ARF4: variants seen among roughly 807,000 people sequenced by gnomAD.
The protein encoded by ARF4 is ARF GTPase 4, also known as ADP-ribosylation factor 4.
ARF4 carries 5 observed loss-of-function variants against 24.3 expected under a neutral mutation model. The observed-to-expected ratio is 0.21, with a 90% CI of 0.11 to 0.43. The LOEUF is 0.43. ARF4 is among the 20% of genes least tolerant of loss of function. ARF4 has a pLI of 1.00. For synonymous variants in ARF4, 62 were observed against 73.5 expected (o/e 0.84, Z 0.80); for missense variants, 107 against 213.0 (o/e 0.50, Z 3.10).
intron 5 of ARF4, among the ~76,000 whole-genome samples, chr3:57,573,185 G>A (rs371834720): frequency 1.4e-5 from 2 of 144,366 alleles, no homozygotes; most frequent in East Asian, 2.1e-4. Context: ...CTGGGTGACA[G>A]AGCAAGACTC....
At chr3:57,596,098 A>G (rs552048857) in intron 1 of ARF4, among the ~76,000 whole-genome samples, 1 of 152,212 alleles carries the variant, frequency 6.6e-6, no homozygotes, top group Non-Finnish European at 1.5e-5. Context: ...GACTGCTTAC[A>G]GTAACCGGGA....
At chr3:57,593,867 T>C (rs1179940774) in intron 1 of ARF4, among the ~76,000 whole-genome samples, 1 of 151,990 alleles carries the variant, frequency 6.6e-6, no homozygotes, top group Non-Finnish European at 1.5e-5. Flanking sequence ...CTACAAAAAA[T>C]GTCAAAAATT....
intron 2 of ARF4, 35 bp from the exon 3 acceptor site, chr3:57,584,042 G>A (rs141507370): frequency 3.2e-5 from 44 of 1,378,468 alleles, no homozygotes; most frequent in Middle Eastern, 3.7e-4. Flanking sequence ...GCTGTGCAGC[G>A]TCATTAAGAA....
At chr3:57,579,342 C>T (rs1447569846) in intron 3 of ARF4, among the ~76,000 whole-genome samples, 1 of 149,698 alleles carries the variant, frequency 6.7e-6, no homozygotes, top group Non-Finnish European at 1.5e-5. Flanking sequence ...GGCTGGAGTG[C>T]AGTGGTGCCA....
chr3:57,590,882 T>C (rs1575788232), intron 1 of ARF4, among the ~76,000 whole-genome samples: 1 of 152,220 alleles, frequency 6.6e-6, no homozygotes, highest in Non-Finnish European at 1.5e-5. Context: ...GGTCTTGCCA[T>C]GGTATGGTGC....
At chr3:57,593,537 C>T (rs1182697234) in intron 1 of ARF4, among the ~76,000 whole-genome samples, 2 of 152,222 alleles carry the variant, frequency 1.3e-5, no homozygotes, top group African/African-American at 2.4e-5. Context: ...TGGCATACTA[C>T]ACTACACTGA....
intron 1 of ARF4, among the ~76,000 whole-genome samples, chr3:57,592,224 C>G (rs1417095661): frequency 1.3e-5 from 2 of 152,166 alleles, no homozygotes; most frequent in Non-Finnish European, 2.9e-5. Context: ...CACGGTGACT[C>G]ATGCCTGTAA....
chr3:57,584,520 A>C lies in ARF4; in HGVS notation c.68-56T>G, dbSNP rs143859407. 2.1e-6 allele frequency: 3 copies of C among 1,410,232 alleles called. No homozygotes were observed. The East Asian group carries it at 6.9e-5, about 33-fold the overall frequency. 87.4% of individuals were successfully genotyped at this position (1,410,232 alleles called of 1,614,324 possible). ...AGACCAAAAGCACACTCCAAGAAATAATTTTACAATAAATTTATAGTTCAA... is the reference window on the plus strand; with the variant it reads ...AGACCAAAAGCACACTCCAAGAAATCATTTTACAATAAATTTATAGTTCAA... On this transcript the variant is annotated intron_variant, in intron 1 of 5. Coordinates refer to ENST00000303436, the MANE Select transcript of ARF4 (RefSeq NM_001660.4).
At chr3:57,594,948 A>G (rs2070163704) in intron 1 of ARF4, among the ~76,000 whole-genome samples, 1 of 152,206 alleles carries the variant, frequency 6.6e-6, no homozygotes, top group Admixed American at 6.5e-5. Context: ...GTTACCATAA[A>G]TGTCGATCTT....
chr3:57,584,848 C>T (rs1177152686), intron 1 of ARF4, among the ~76,000 whole-genome samples: 1 of 148,244 alleles, frequency 6.7e-6, no homozygotes, highest in Non-Finnish European at 1.5e-5. Flanking sequence ...GAACTACCAG[C>T]ATTTTTTGGG....
In ARF4 at chr3:57,572,061, C is replaced by T. The variant is rs371872970; in HGVS notation, c.*151G>A. The T allele has an allele frequency of 1.3e-4, 77 of 609,540 alleles. No individual in the cohort carries two copies. Among genetic ancestry groups the T allele is most frequent in the African/African-American group, 1.2e-3 (65 of 54,488 alleles). The allele number at this position is 609,540 out of a possible 1,614,324, so 37.8% of individuals were successfully genotyped here. A position where few individuals can be genotyped will look rare whatever the true frequency, so the allele number is the denominator to read the frequency against. On this transcript the variant is annotated 3_prime_UTR_variant, in exon 6 of 6. Transcript: ENST00000303436. ...CATTGCTAAATAGCAACATTATACT[C>T]GGTAAACAATAATTGGCAACAAAAT...
intron 1 of ARF4, among the ~76,000 whole-genome samples, chr3:57,589,917 C>CCCAT (rs1307736200): frequency 6.7e-6 from 1 of 148,586 alleles, no homozygotes; most frequent in African/African-American, 2.5e-5. Context: ...ATGGTGAAAC[C>CCCAT]CCATCTCTAC....
intron 3 of ARF4, among the ~76,000 whole-genome samples, chr3:57,583,116 T>C (rs1486077321): frequency 6.6e-6 from 1 of 152,214 alleles, no homozygotes; most frequent in Non-Finnish European, 1.5e-5. Flanking sequence ...ATGTCAATAG[T>C]GCTGTGCTGT....
intron 1 of ARF4, among the ~76,000 whole-genome samples, chr3:57,591,153 T>C (rs765817501): frequency 6.6e-6 from 1 of 152,168 alleles, no homozygotes. Flanking sequence ...AAAATGGAAA[T>C]GTTTGTCAGG....
At chr3:57,572,489 G>A (rs1472384453) in intron 5 of ARF4, among the ~76,000 whole-genome samples, 191 bp from the exon 6 acceptor site, 1 of 152,170 alleles carries the variant, frequency 6.6e-6, no homozygotes, top group Non-Finnish European at 1.5e-5. Context: ...GGGAGGCGGA[G>A]ATGGGAGGAT....
At chr3:57,577,937 C>T (rs2069926186) in intron 3 of ARF4, among the ~76,000 whole-genome samples, 1 of 151,926 alleles carries the variant, frequency 6.6e-6, no homozygotes, top group Non-Finnish European at 1.5e-5. Flanking sequence ...TGCCTTTAGT[C>T]CCAGCTACTT....
chr3:57,575,152 C>G (rs551653729), intron 5 of ARF4, among the ~76,000 whole-genome samples: 1 of 152,110 alleles, frequency 6.6e-6, no homozygotes, highest in Admixed American at 6.6e-5. Flanking sequence ...ACCCAGCCCC[C>G]CATCTCCACT....
chr3:57,593,120 C>G (rs145217468), intron 1 of ARF4, among the ~76,000 whole-genome samples: 24 of 152,222 alleles, frequency 1.6e-4, no homozygotes, highest in African/African-American at 5.8e-4. Flanking sequence ...GGAGGGATTG[C>G]TTGAATCCAG....
Position 57,575,688 on chromosome 3 carries a change from T to C in ARF4, c.331-15A>G. 6.2e-7 allele frequency: 1 copy of C among 1,603,642 alleles called. No homozygotes were observed. Among genetic ancestry groups the C allele is most frequent in the South Asian group, 1.1e-5 (1 of 89,244 alleles). On this transcript the variant is annotated splice_polypyrimidine_tract_variant and intron_variant, in intron 4 of 5. Coordinates refer to ENST00000303436, the MANE Select transcript of ARF4 (RefSeq NM_001660.4). ...TCTACCAGAAGCTGGAAATAAAAGG[T>C]AAGGCATTAACAACTACCAACCGGA...
Sources: allele counts gnomAD v4.1 joint callset (sites outside exome capture counted in the v4.1 genomes callset), GRCh38; gene constraint gnomAD v4.1.1; transcripts MANE v1.5; gene names NCBI Gene and HGNC (gene_info 2026-07-23, HGNC 2026-07-21).